Variants in OLFM2 observed in about 807,000 individuals in gnomAD.
OLFM2 encodes the protein noelin-2.
OLFM2 carries 20 observed loss-of-function variants against 43.9 expected under a neutral mutation model. The ratio of observed to expected loss-of-function variants is 0.46; its 90% CI spans 0.32 to 0.66. The LOEUF (loss-of-function observed/expected upper bound fraction) is 0.66. OLFM2 is among the 30% of genes least tolerant of loss of function. The pLI is 0.04. For missense variants in OLFM2, 416 were observed against 643.6 expected (o/e 0.65, Z 3.83); for synonymous variants, 268 against 278.6 (o/e 0.96, Z 0.38).
At chr19:9,885,387 C>A (rs939156921) in intron 1 of OLFM2, among the ~76,000 whole-genome samples, 1 of 152,190 alleles carries the variant, frequency 6.6e-6, no homozygotes, top group Non-Finnish European at 1.5e-5. Flanking sequence ...CAGACATCCA[C>A]GCTGTGATTG....
chr19:9,934,862 C>T (rs547982742), intron 1 of OLFM2, among the ~76,000 whole-genome samples: 21 of 152,300 alleles, frequency 1.4e-4, no homozygotes, highest in African/African-American at 7.2e-5. Flanking sequence ...CCTCCCAACA[C>T]CCCCCTCGGG....
intron 1 of OLFM2, among the ~76,000 whole-genome samples, chr19:9,863,885 C>T (rs1354715815): frequency 6.6e-6 from 1 of 152,266 alleles, no homozygotes; most frequent in Non-Finnish European, 1.5e-5. Context: ...AGTCATTCTT[C>T]GAGCCTTTGT....
At chr19:9,876,359 G>A (rs1461907672) in intron 1 of OLFM2, among the ~76,000 whole-genome samples, 1 of 152,182 alleles carries the variant, frequency 6.6e-6, no homozygotes, top group Non-Finnish European at 1.5e-5. Flanking sequence ...ATACAAAATG[G>A]AAGTGTTTGC....
intron 1 of OLFM2, among the ~76,000 whole-genome samples, chr19:9,871,326 A>T (rs755379776): frequency 2.4e-4 from 37 of 151,518 alleles, no homozygotes; most frequent in Non-Finnish European, 3.8e-4. Context: ...TAACCCCAGC[A>T]CTTCGGGAGG....
chr19:9,904,768 C>T (rs1220762963), intron 1 of OLFM2, among the ~76,000 whole-genome samples: 1 of 152,052 alleles, frequency 6.6e-6, no homozygotes, highest in Admixed American at 6.6e-5. Flanking sequence ...GCCTGTAATC[C>T]CAACACTCCG....
intron 1 of OLFM2, among the ~76,000 whole-genome samples, chr19:9,897,865 C>G (rs2046700016): frequency 6.6e-6 from 1 of 151,886 alleles, no homozygotes; most frequent in South Asian, 2.1e-4. Context: ...GCAGAGTGAC[C>G]TGTCTGATGT....
chr19:9,902,853 T>C (rs2046752698), intron 1 of OLFM2, among the ~76,000 whole-genome samples: 1 of 151,748 alleles, frequency 6.6e-6, no homozygotes, highest in African/African-American at 2.4e-5. Flanking sequence ...TTTTATACTT[T>C]TTGCTGTAGA....
intron 1 of OLFM2, among the ~76,000 whole-genome samples, chr19:9,871,886 A>G (rs1363353560): frequency 1.3e-5 from 2 of 152,226 alleles, no homozygotes; most frequent in African/African-American, 4.8e-5. Flanking sequence ...CTGATGAACC[A>G]GTGGGACAGA....
chr19:9,883,832 TC>T (rs1490927922), intron 1 of OLFM2, among the ~76,000 whole-genome samples: 4 of 152,096 alleles, frequency 2.6e-5, no homozygotes, highest in Non-Finnish European at 5.9e-5. Context: ...TCGCACCACC[TC>T]CTAGCCATGA....
intron 1 of OLFM2, among the ~76,000 whole-genome samples, chr19:9,933,116 TC>T (rs1331046933): frequency 6.6e-6 from 1 of 152,160 alleles, no homozygotes; most frequent in Admixed American, 6.6e-5. Flanking sequence ...CCTTCAATGC[TC>T]TTCCCCCAGA....
chr19:9,862,991 A>AC (rs1247134437), intron 1 of OLFM2, among the ~76,000 whole-genome samples: 1 of 150,418 alleles, frequency 6.6e-6, no homozygotes, highest in Non-Finnish European at 1.5e-5. Context: ...TCTGTCTCAA[A>AC]AAAAAAAAAA....
At chr19:9,896,396 G>A (rs2046685485) in intron 1 of OLFM2, among the ~76,000 whole-genome samples, 1 of 151,026 alleles carries the variant, frequency 6.6e-6, no homozygotes, top group Admixed American at 6.6e-5. Flanking sequence ...ACAGCGCCCA[G>A]CCTATTTTAA....
intron 1 of OLFM2, among the ~76,000 whole-genome samples, chr19:9,935,541 GCACA>G (rs1005917864): frequency 2.0e-5 from 3 of 151,830 alleles, no homozygotes; most frequent in Non-Finnish European, 4.4e-5. Context: ...CACAGCGCTT[GCACA>G]CACACACACC....
At chr19:9,921,143 T>C (rs1334251594) in intron 1 of OLFM2, among the ~76,000 whole-genome samples, 1 of 152,152 alleles carries the variant, frequency 6.6e-6, no homozygotes, top group Non-Finnish European at 1.5e-5. Flanking sequence ...GAGACAGGGT[T>C]TTGCCTACCG....
chr19:9,870,112 C>T (rs2046431402), intron 1 of OLFM2, among the ~76,000 whole-genome samples: 2 of 151,946 alleles, frequency 1.3e-5, no homozygotes, highest in African/African-American at 4.8e-5. Context: ...GTTGCCCAGG[C>T]TGGTGCAGCA....
rs576613448 is a variant in OLFM2 at position 9,855,455 on chromosome 19, G to C, written c.688-592C>G. 7.9e-5 allele frequency among the ~76,000 whole-genome samples: 12 copies of C among 152,016 alleles called. No homozygotes were observed. The South Asian group carries it at 2.5e-3, about 32-fold the overall frequency. ...GGGGTTTCACCATGTTGGTCAGGCT[G>C]GTCTCAAACTCCCGACCTTGTGATC... On this transcript the variant is annotated intron_variant, in intron 5 of 5. Coordinates refer to ENST00000264833, the MANE Select transcript of OLFM2 (RefSeq NM_058164.4).
At chr19:9,868,776 AC>A (rs1213114264) in intron 1 of OLFM2, among the ~76,000 whole-genome samples, 3 of 151,926 alleles carry the variant, frequency 2.0e-5, no homozygotes, top group African/African-American at 4.8e-5. Context: ...CCTCATCTCT[AC>A]AAAAAATTTA....
chr19:9,866,024 C>T (rs1441186810), intron 1 of OLFM2, among the ~76,000 whole-genome samples: 2 of 152,054 alleles, frequency 1.3e-5, no homozygotes, highest in East Asian at 1.9e-4. Context: ...CATTTTCTCT[C>T]GACAGAGGAA....
At chr19:9,931,560 G>A (rs1309851838) in intron 1 of OLFM2, among the ~76,000 whole-genome samples, 1 of 151,934 alleles carries the variant, frequency 6.6e-6, no homozygotes, top group Non-Finnish European at 1.5e-5. Flanking sequence ...AATTAGCTGG[G>A]TGTGGTGGCA....
Sources: gnomAD v4.1 joint callset for allele counts (sites outside exome capture counted in the v4.1 genomes callset) on GRCh38, gnomAD v4.1.1 for gene constraint, MANE v1.5 for transcripts, NCBI Gene and HGNC (gene_info 2026-07-23, HGNC 2026-07-21) for gene names.